ST18: variants seen among roughly 807,000 people sequenced by gnomAD.
The protein encoded by ST18 is ST18 C2H2C-type zinc finger transcription factor.
In ST18, 50 loss-of-function variants were observed where a neutral mutation model predicts 110.0. That is an observed-to-expected ratio of 0.45 (90% CI 0.36 to 0.58). ST18 has a LOEUF of 0.58. ST18 is among the 20% of genes least tolerant of loss of function. The pLI is 0.00. For synonymous variants in ST18, 461 were observed against 452.4 expected (o/e 1.02, Z -0.24); for missense variants, 1,306 against 1,280.1 (o/e 1.02, Z -0.31).
intron 15 of ST18, among the ~76,000 whole-genome samples, chr8:52,156,171 C>T (rs1337694767): frequency 6.6e-6 from 1 of 152,176 alleles, no homozygotes; most frequent in East Asian, 1.9e-4. Flanking sequence ...CACTTCTTTT[C>T]TCTTGCTTTG....
intron 8 of ST18, among the ~76,000 whole-genome samples, chr8:52,184,190 T>A (rs1210957970): frequency 1.3e-5 from 2 of 152,174 alleles, no homozygotes; most frequent in Admixed American, 6.5e-5. Flanking sequence ...AGCTCTGAAA[T>A]GTTAAGGAAA....
intron 2 of ST18, among the ~76,000 whole-genome samples, chr8:52,274,479 G>T (rs1340774680): frequency 7.1e-6 from 1 of 141,818 alleles, no homozygotes; most frequent in East Asian, 1.9e-4. Context: ...AGTAATGAGT[G>T]TAACAGAAAT....
At chr8:52,379,462 G>A (rs7459810) in intron 2 of ST18, among the ~76,000 whole-genome samples, 114,679 of 151,994 alleles carry the variant, frequency 0.75, 48,157 homozygotes, top group Non-Finnish European at 0.93. Context: ...GCACCGTGAA[G>A]TACAGTTGAC....
At chr8:52,194,998 A>G (rs1007792466) in intron 8 of ST18, among the ~76,000 whole-genome samples, 11 of 152,248 alleles carry the variant, frequency 7.2e-5, no homozygotes, top group African/African-American at 2.7e-4. Flanking sequence ...ATGTCTTTCA[A>G]TTTATACTCA....
At chr8:52,381,458 T>A (rs1011051272) in intron 2 of ST18, among the ~76,000 whole-genome samples, 2 of 152,150 alleles carry the variant, frequency 1.3e-5, no homozygotes, top group African/African-American at 4.8e-5. Context: ...TTACCATCCA[T>A]CTCCAAGACC....
chr8:52,315,455 G>A (rs919089795), intron 2 of ST18, among the ~76,000 whole-genome samples: 5 of 152,140 alleles, frequency 3.3e-5, no homozygotes, highest in African/African-American at 1.2e-4. Flanking sequence ...AGGCCAACTT[G>A]TATATTTCTA....
At chr8:52,275,088 A>T (rs2095197938) in intron 2 of ST18, among the ~76,000 whole-genome samples, 1 of 152,198 alleles carries the variant, frequency 6.6e-6, no homozygotes, top group Non-Finnish European at 1.5e-5. Flanking sequence ...TTTCTGTACG[A>T]TACACCAAAA....
chr8:52,387,512 T>C (rs1283290418), intron 2 of ST18, among the ~76,000 whole-genome samples: 1 of 152,128 alleles, frequency 6.6e-6, no homozygotes, highest in African/African-American at 2.4e-5. Flanking sequence ...TGACTTTGGG[T>C]TTCCTTCCCT....
intron 16 of ST18, among the ~76,000 whole-genome samples, chr8:52,148,973 G>A (rs2058106248): frequency 6.6e-6 from 1 of 152,104 alleles, no homozygotes. Flanking sequence ...AGCAAAATAG[G>A]ACTGACTTAC....
intron 17 of ST18, among the ~76,000 whole-genome samples, chr8:52,141,917 G>A (rs2055258953): frequency 6.6e-6 from 1 of 152,204 alleles, no homozygotes; most frequent in Non-Finnish European, 1.5e-5. Flanking sequence ...AAGGGTCCCA[G>A]GACGGAGATC....
intron 2 of ST18, among the ~76,000 whole-genome samples, chr8:52,245,838 C>A (rs2093801116): frequency 6.6e-6 from 1 of 151,964 alleles, no homozygotes; most frequent in Admixed American, 6.6e-5. Context: ...TAGTTAACTC[C>A]ACTTAATAGT....
At chr8:52,321,123 T>G (rs781740523) in intron 2 of ST18, among the ~76,000 whole-genome samples, 1 of 152,168 alleles carries the variant, frequency 6.6e-6, no homozygotes, top group Non-Finnish European at 1.5e-5. Flanking sequence ...AGCAGGGCCG[T>G]GTATTGTTTA....
intron 2 of ST18, among the ~76,000 whole-genome samples, chr8:52,402,092 C>T (rs117308643): frequency 3.3e-5 from 5 of 152,244 alleles, no homozygotes; most frequent in South Asian, 2.1e-4. Flanking sequence ...TCAGTGTCTT[C>T]GGCTGTAGGA....
At chr8:52,392,494 G>T (rs16917805) in intron 2 of ST18, among the ~76,000 whole-genome samples, 72,451 of 152,074 alleles carry the variant, frequency 0.48, 20,948 homozygotes, top group Non-Finnish European at 0.62. Context: ...TGCCTTAATA[G>T]GGCAGAAATT....
At chr8:52,358,577 C>G (rs1824211465) in intron 2 of ST18, among the ~76,000 whole-genome samples, 1 of 151,750 alleles carries the variant, frequency 6.6e-6, no homozygotes, top group African/African-American at 2.4e-5. Flanking sequence ...TAATTGTATA[C>G]TAACAAACTA....
intron 7 of ST18, among the ~76,000 whole-genome samples, chr8:52,212,935 C>T (rs753025351): frequency 6.6e-6 from 1 of 152,078 alleles, no homozygotes; most frequent in Admixed American, 6.5e-5. Flanking sequence ...TTCAAATAAT[C>T]GAAATACACA....
rs2093162125 is a variant in ST18 at position 52,239,586 on chromosome 8, C to A, written c.-464-9509G>T. 2.0e-5 allele frequency among the ~76,000 whole-genome samples: 3 copies of A among 150,988 alleles called. No individual in the cohort carries two copies. The South Asian group carries it at 6.2e-4, about 31-fold the overall frequency. ...GAATGCAAGCAGTTGAAGTTCTAACCCCATTATAAAAAAGAAAAATACCAA... is the reference window on the plus strand; with the variant it reads ...GAATGCAAGCAGTTGAAGTTCTAACACCATTATAAAAAAGAAAAATACCAA... On this transcript the variant is annotated intron_variant, in intron 2 of 25. Transcript: ENST00000689386.
chr8:52,373,393 G>T (rs1461996380), intron 2 of ST18, among the ~76,000 whole-genome samples: 1 of 152,062 alleles, frequency 6.6e-6, no homozygotes, highest in Non-Finnish European at 1.5e-5. Context: ...CTATTGCTGT[G>T]ACCACCACCA....
intron 2 of ST18, among the ~76,000 whole-genome samples, chr8:52,334,652 T>C (rs1811209134): frequency 6.6e-6 from 1 of 152,224 alleles, no homozygotes; most frequent in Non-Finnish European, 1.5e-5. Flanking sequence ...TGGGGCTTTT[T>C]CTGTCTCTCT....
Sources: gnomAD v4.1 joint callset for allele counts (sites outside exome capture counted in the v4.1 genomes callset) on GRCh38, gnomAD v4.1.1 for gene constraint, MANE v1.5 for transcripts, NCBI Gene and HGNC (gene_info 2026-07-23, HGNC 2026-07-21) for gene names.